SSBP2: variants seen among roughly 807,000 people sequenced by gnomAD.
SSBP2 encodes single-stranded DNA-binding protein 2.
SSBP2 carries 17 observed loss-of-function variants against 61.8 expected under a neutral mutation model. That is an observed-to-expected ratio of 0.28 (90% CI 0.19 to 0.41). The LOEUF is 0.41. Among genes scored for constraint, SSBP2 ranks in the 10% least tolerant of loss-of-function variants. The probability of loss-of-function intolerance (pLI) is 1.00; values close to 1 mark genes in which losing one functional copy is unlikely to be tolerated. For missense variants in SSBP2, 310 were observed against 458.7 expected (o/e 0.68, Z 2.96); for synonymous variants, 139 against 141.3 (o/e 0.98, Z 0.12).
chr5:81,703,103 G>C (rs1050709332), intron 1 of SSBP2, among the ~76,000 whole-genome samples: 1 of 152,020 alleles, frequency 6.6e-6, no homozygotes, highest in Non-Finnish European at 1.5e-5. Context: ...TTGCTAAAGT[G>C]GTTCAATATT....
intron 9 of SSBP2, among the ~76,000 whole-genome samples, chr5:81,461,881 C>A (rs1322431844): frequency 6.6e-6 from 1 of 152,098 alleles, no homozygotes; most frequent in Non-Finnish European, 1.5e-5. Flanking sequence ...GGTCTCTTGT[C>A]CTCATACTTT....
chr5:81,723,911 CTA>C (rs1047541061), intron 1 of SSBP2, among the ~76,000 whole-genome samples: 5 of 151,984 alleles, frequency 3.3e-5, no homozygotes, highest in Admixed American at 2.6e-4. Flanking sequence ...CCTCACTTCT[CTA>C]TCTTCTGTCT....
intron 1 of SSBP2, among the ~76,000 whole-genome samples, chr5:81,691,649 A>T (rs1753209770): frequency 6.6e-6 from 1 of 152,120 alleles, no homozygotes; most frequent in Non-Finnish European, 1.5e-5. Context: ...AAGAACTAAT[A>T]CCACCTCTAC....
At chr5:81,429,982 T>C (rs923688717) in intron 15 of SSBP2, among the ~76,000 whole-genome samples, 4 of 152,028 alleles carry the variant, frequency 2.6e-5, no homozygotes, top group African/African-American at 9.7e-5. Context: ...AGGATTCTAT[T>C]TTTTTTGACA....
intron 4 of SSBP2, among the ~76,000 whole-genome samples, chr5:81,591,640 T>C (rs1378101776): frequency 6.6e-6 from 1 of 151,900 alleles, no homozygotes; most frequent in East Asian, 1.9e-4. Context: ...GTAATAAAGA[T>C]GAAGACTGTC....
intron 1 of SSBP2, among the ~76,000 whole-genome samples, chr5:81,748,511 T>C (rs190252395): frequency 1.3e-4 from 20 of 151,282 alleles, no homozygotes; most frequent in African/African-American, 4.8e-4. Context: ...TGAAATTAAG[T>C]TTATTCTATA....
At chr5:81,459,139 T>G (rs1027793554) in intron 10 of SSBP2, among the ~76,000 whole-genome samples, 1 of 152,198 alleles carries the variant, frequency 6.6e-6, no homozygotes, top group Non-Finnish European at 1.5e-5. Context: ...CTTATGTTTC[T>G]CAGGGTCTAA....
At chr5:81,749,751 G>A (rs1474464954) in intron 1 of SSBP2, among the ~76,000 whole-genome samples, 4 of 152,138 alleles carry the variant, frequency 2.6e-5, no homozygotes, top group Non-Finnish European at 4.4e-5. Flanking sequence ...ACCGTTACAA[G>A]TACACAAGAA....
chr5:81,520,554 T>C (rs1769397244), intron 4 of SSBP2, among the ~76,000 whole-genome samples: 1 of 152,180 alleles, frequency 6.6e-6, no homozygotes, highest in Admixed American at 6.6e-5. Context: ...GGAGGTTTTA[T>C]TTTTTAATTT....
intron 8 of SSBP2, among the ~76,000 whole-genome samples, chr5:81,470,432 T>C (rs1208187907): frequency 6.6e-6 from 1 of 151,736 alleles, no homozygotes; most frequent in Non-Finnish European, 1.5e-5. Flanking sequence ...GATTAAGGGG[T>C]AGGGAAAAAT....
chr5:81,431,904 G>GT (rs1333721107), intron 15 of SSBP2, among the ~76,000 whole-genome samples: 1 of 152,094 alleles, frequency 6.6e-6, no homozygotes, highest in African/African-American at 2.4e-5. Flanking sequence ...CTCTTAATTA[G>GT]TAAGTTATTA....
intron 4 of SSBP2, among the ~76,000 whole-genome samples, chr5:81,577,419 A>G (rs367831763): frequency 9.2e-5 from 14 of 152,132 alleles, no homozygotes; most frequent in South Asian, 8.3e-4. Context: ...AGTTGGAAGA[A>G]CATTTTCTGG....
At chr5:81,575,764 G>T (rs965022055) in intron 4 of SSBP2, among the ~76,000 whole-genome samples, 1 of 152,098 alleles carries the variant, frequency 6.6e-6, no homozygotes, top group Non-Finnish European at 1.5e-5. Flanking sequence ...TAGAAAATTT[G>T]AAAGTAAAAG....
chr5:81,488,010 AAT>A (rs59039206), intron 6 of SSBP2, among the ~76,000 whole-genome samples: 531 of 38,636 alleles, frequency 0.014, 4 homozygotes, highest in Admixed American at 0.022. Context: ...ATGGCCAAAT[AAT>A]ATATATATAT....
chr5:81,671,949 C>T (rs1260692688), intron 1 of SSBP2, among the ~76,000 whole-genome samples: 2 of 152,110 alleles, frequency 1.3e-5, no homozygotes, highest in East Asian at 1.9e-4. Flanking sequence ...ATTATCTACA[C>T]TATATGTGAC....
chr5:81,581,256 G>A (rs1488735187), intron 4 of SSBP2, among the ~76,000 whole-genome samples: 1 of 152,174 alleles, frequency 6.6e-6, no homozygotes, highest in East Asian at 1.9e-4. Context: ...GAATAACCAT[G>A]AGCATATAAT....
At chr5:81,489,647 C>T (rs1766704270) in intron 5 of SSBP2, among the ~76,000 whole-genome samples, 1 of 151,996 alleles carries the variant, frequency 6.6e-6, no homozygotes. Context: ...TAAAAAGGAC[C>T]TCTGGAGGCA....
In SSBP2 at chr5:81,419,164, T is replaced by C. The variant is rs915177822; in HGVS notation, c.*1340A>G. On this transcript the variant is annotated 3_prime_UTR_variant, in exon 17 of 17. Coordinates refer to ENST00000320672, the MANE Select transcript of SSBP2 (RefSeq NM_012446.5). ...TAAGGGAATTAGATTAAAAAAAATT[T>C]ACTTATTCTTTTTTGAACAGTCAGT... 6.6e-6 allele frequency: 1 copy of C among 152,260 alleles called. No individual in the cohort carries two copies. The highest frequency in any genetic ancestry group is 6.5e-5 in the Admixed American group (1 of 15,290). The allele number at this position is 152,260 out of a possible 1,614,324, so 9.4% of individuals were successfully genotyped here. A position where few individuals can be genotyped will look rare whatever the true frequency, so the allele number is the denominator to read the frequency against.
At chr5:81,706,012 A>G (rs1424311908) in intron 1 of SSBP2, among the ~76,000 whole-genome samples, 2 of 152,202 alleles carry the variant, frequency 1.3e-5, no homozygotes, top group Non-Finnish European at 2.9e-5. Flanking sequence ...CCAAAAGACA[A>G]TAAGTCATTC....
Sources: gnomAD v4.1 joint callset for allele counts (sites outside exome capture counted in the v4.1 genomes callset) on GRCh38, gnomAD v4.1.1 for gene constraint, MANE v1.5 for transcripts, NCBI Gene and HGNC (gene_info 2026-07-23, HGNC 2026-07-21) for gene names.